The following APBA1 variants were observed in gnomAD, a reference collection of about 807,000 sequenced individuals.
APBA1 encodes amyloid beta precursor protein binding family A member 1, also known as amyloid-beta A4 precursor protein-binding family A member 1.
APBA1 carries 55 observed loss-of-function variants against 86.6 expected under a neutral mutation model. That is an observed-to-expected ratio of 0.64 (90% CI 0.51 to 0.80). APBA1 has a LOEUF of 0.80. Ranked by LOEUF, APBA1 falls within the 30% of genes least tolerant of loss-of-function variation. APBA1 has a pLI of 0.00. For missense variants in APBA1, 1,090 were observed against 1,183.0 expected, an observed-to-expected ratio of 0.92 and a Z score of 1.15; for synonymous variants, 511 against 493.9, an observed-to-expected ratio of 1.03 and a Z score of -0.46.
chr9:69,610,322 AAAAT>A (rs1411069669), intron 1 of APBA1, among the ~76,000 whole-genome samples: 2 of 152,124 alleles, frequency 1.3e-5, no homozygotes, highest in Non-Finnish European at 2.9e-5. Flanking sequence ...TCTGTCTCTA[AAAAT>A]AAATAAATAA....
chr9:69,515,157 CCTT>C lies in APBA1; in HGVS notation c.1200+851_1200+853del, dbSNP rs1255791964. 5.3e-5 allele frequency among the ~76,000 whole-genome samples: 8 copies of C among 152,254 alleles called. 1 individual carries two copies. Among genetic ancestry groups the C allele is most frequent in the East Asian group, 1.9e-4 (1 of 5,180 alleles). Reference sequence around the variant, plus strand: ...CCAACCTTTTGTGTTCTGGGAAACTCCTTCTTTTCTGACACAGAGCAGGGATAG... The same window carrying C: ...CCAACCTTTTGTGTTCTGGGAAACTCCTTTTCTGACACAGAGCAGGGATAG... On this transcript the variant is annotated intron_variant, in intron 2 of 12. Coordinates refer to ENST00000265381, the MANE Select transcript of APBA1 (RefSeq NM_001163.4).
chr9:69,488,254 G>A (rs1227918420), intron 2 of APBA1, among the ~76,000 whole-genome samples: 1 of 151,948 alleles, frequency 6.6e-6, no homozygotes, highest in Non-Finnish European at 1.5e-5. Flanking sequence ...TGATTGAGAT[G>A]ACCCTTTCTG....
chr9:69,536,974 A>C (rs569733386), intron 1 of APBA1, among the ~76,000 whole-genome samples: 4 of 150,576 alleles, frequency 2.7e-5, no homozygotes, highest in Admixed American at 6.6e-5. Flanking sequence ...GCCTCTCCTG[A>C]ATCTAAAAGA....
intron 1 of APBA1, among the ~76,000 whole-genome samples, chr9:69,643,803 G>A (rs1268543768): frequency 6.6e-6 from 1 of 152,174 alleles, no homozygotes; most frequent in African/African-American, 2.4e-5. Context: ...GAGAAGAAAT[G>A]ATCAGTCTCC....
At chr9:69,671,434 G>A (rs1009832308) in intron 1 of APBA1, among the ~76,000 whole-genome samples, 3 of 152,114 alleles carry the variant, frequency 2.0e-5, no homozygotes, top group Non-Finnish European at 4.4e-5. Context: ...GAGGCCAGAG[G>A]AAGGGGAAGC....
At position 69,456,327 on chromosome 9, in the gene APBA1, C is replaced by A; in HGVS notation, c.1708G>T (p.Glu570Ter). 1 of 1,614,190 alleles carries A rather than the reference C, an allele frequency of 6.2e-7. No individual in the cohort carries two copies. The highest frequency in any genetic ancestry group is 8.5e-7 in the Non-Finnish European group (1 of 1,180,034). The change falls in exon 8 of 13, where the codon GAG becomes TAG. Residue 570 changes from glutamate (E) to a stop codon, truncating the protein, a stop_gained. Coordinates refer to ENST00000265381, the MANE Select transcript of APBA1 (RefSeq NM_001163.4). LOFTEE classifies it high-confidence loss of function. ...GATGGGTGGGACGCTTCCACGTTCT[C>A]CTGGGAGTTGGAGCGAGGCATCCGC... ...RRRMPRSNSQ[E>*]NVEASHPSQD...
chr9:69,460,658 T>G (rs531859680), intron 5 of APBA1: 182 of 148,606 alleles, frequency 1.2e-3, no homozygotes, highest in African/African-American at 3.6e-3. Context: ...CCCAAATTCT[T>G]TTTTTTTTTT....
At chr9:69,562,775 G>A (rs1184973759) in intron 1 of APBA1, among the ~76,000 whole-genome samples, 1 of 152,122 alleles carries the variant, frequency 6.6e-6, no homozygotes, top group Non-Finnish European at 1.5e-5. Context: ...CTGCTGGAAA[G>A]AGAAGAAAGA....
At chr9:69,460,689 A>C (rs1835177657) in intron 5 of APBA1, 1 of 151,268 alleles carries the variant, frequency 6.6e-6, no homozygotes, top group Non-Finnish European at 1.5e-5. Flanking sequence ...GGTGTTGAGG[A>C]AGAGGATCCA....
chr9:69,598,974 G>A (rs968715792), intron 1 of APBA1, among the ~76,000 whole-genome samples: 1 of 152,098 alleles, frequency 6.6e-6, no homozygotes, highest in African/African-American at 2.4e-5. Flanking sequence ...AGTCACAAAA[G>A]GACAAATATT....
chr9:69,444,888 C>T (rs1416733874), intron 10 of APBA1, among the ~76,000 whole-genome samples: 1 of 152,230 alleles, frequency 6.6e-6, no homozygotes, highest in Non-Finnish European at 1.5e-5. Context: ...CAGTACTAAG[C>T]ACAGGGCTCT....
chr9:69,493,682 T>C (rs1042571110), intron 2 of APBA1, among the ~76,000 whole-genome samples: 2 of 152,124 alleles, frequency 1.3e-5, no homozygotes, highest in Admixed American at 6.5e-5. Flanking sequence ...CCATAAAATA[T>C]ATAGTAGGAG....
chr9:69,614,620 A>G (rs1355332404), intron 1 of APBA1, among the ~76,000 whole-genome samples: 1 of 152,210 alleles, frequency 6.6e-6, no homozygotes, highest in Non-Finnish European at 1.5e-5. Context: ...GTCATCCACC[A>G]TTATGATACT....
chr9:69,624,396 C>CA (rs1273273013), intron 1 of APBA1, among the ~76,000 whole-genome samples: 11 of 152,218 alleles, frequency 7.2e-5, no homozygotes, highest in African/African-American at 2.6e-4. Flanking sequence ...TTTATAGTTA[C>CA]AAAAATTTAA....
At chr9:69,582,379 G>T (rs771521941) in intron 1 of APBA1, among the ~76,000 whole-genome samples, 1 of 152,116 alleles carries the variant, frequency 6.6e-6, no homozygotes, top group African/African-American at 2.4e-5. Context: ...GGGACGGGTC[G>T]CTTTCTCCAC....
chr9:69,537,262 G>T (rs1836527714), intron 1 of APBA1, among the ~76,000 whole-genome samples: 5 of 151,970 alleles, frequency 3.3e-5, no homozygotes, highest in Admixed American at 2.6e-4. Flanking sequence ...CACAAATGTA[G>T]ATTTTAAAAT....
chr9:69,672,240 C>T lies in APBA1; in HGVS notation c.-157G>A, dbSNP rs886504771. On this transcript the variant is annotated 5_prime_UTR_variant, in exon 1 of 13. Transcript: ENST00000265381. ...CCAAGCCTGGGAATAAAGCTCCGCTCCAGCCGCTGCTGCCTCCAGCGCCAC... is the reference window on the plus strand; with the variant it reads ...CCAAGCCTGGGAATAAAGCTCCGCTTCAGCCGCTGCTGCCTCCAGCGCCAC... 1 of 166,160 alleles carries T rather than the reference C, an allele frequency of 6.0e-6. No individual in the cohort carries two copies. The highest frequency in any genetic ancestry group is 6.5e-5 in the Admixed American group (1 of 15,372). The allele number at this position is 166,160 out of a possible 1,614,324, so 10.3% of individuals were successfully genotyped here. A position where few individuals can be genotyped will look rare whatever the true frequency, so the allele number is the denominator to read the frequency against.
At chr9:69,620,276 A>G (rs1042084259) in intron 1 of APBA1, among the ~76,000 whole-genome samples, 1 of 152,240 alleles carries the variant, frequency 6.6e-6, no homozygotes, top group African/African-American at 2.4e-5. Flanking sequence ...TGGTATTACC[A>G]GTCTTCAGCA....
intron 12 of APBA1, among the ~76,000 whole-genome samples, chr9:69,431,618 C>A (rs1169258913): frequency 6.6e-6 from 1 of 152,228 alleles, no homozygotes; most frequent in Non-Finnish European, 1.5e-5. Context: ...AAATGAACAA[C>A]AAAAACCAAG....
Sources: allele counts gnomAD v4.1 joint callset (sites outside exome capture counted in the v4.1 genomes callset), GRCh38; gene constraint gnomAD v4.1.1; transcripts MANE v1.5; gene names NCBI Gene and HGNC (gene_info 2026-07-23, HGNC 2026-07-21).